Variants in RAB40B observed in about 807,000 individuals in gnomAD.
The protein encoded by RAB40B is RAB40B, member RAS oncogene family, also known as ras-related protein Rab-40B.
A neutral mutation model predicts 24.0 loss-of-function variants in RAB40B; 21 were observed. The ratio of observed to expected loss-of-function variants is 0.88; its 90% CI spans 0.62 to 1.26. The LOEUF (loss-of-function observed/expected upper bound fraction) is 1.26. RAB40B is among the 50% of genes most tolerant of loss of function. The probability of loss-of-function intolerance (pLI) is 0.00; values close to 1 mark genes in which losing one functional copy is unlikely to be tolerated. For missense variants in RAB40B, 348 were observed against 390.5 expected (o/e 0.89, Z 0.92); for synonymous variants, 167 against 169.8 (o/e 0.98, Z 0.13).
intron 1 of RAB40B, among the ~76,000 whole-genome samples, chr17:82,680,584 C>T (rs900813038): frequency 2.6e-5 from 4 of 152,104 alleles, no homozygotes; most frequent in Admixed American, 6.5e-5. Flanking sequence ...ATCTTATCAC[C>T]CATGGACAAC....
intron 1 of RAB40B, among the ~76,000 whole-genome samples, chr17:82,696,072 G>T (rs1379309469): frequency 6.6e-6 from 1 of 152,130 alleles, no homozygotes; most frequent in African/African-American, 2.4e-5. Flanking sequence ...GTTTCTCCAT[G>T]TTGATCAGGC....
At chr17:82,678,752 C>T (rs796638588) in intron 1 of RAB40B, among the ~76,000 whole-genome samples, 14 of 152,268 alleles carry the variant, frequency 9.2e-5, no homozygotes, top group African/African-American at 3.4e-4. Flanking sequence ...CAGCACAGGG[C>T]TCCTGGAAGT....
At chr17:82,659,427 G>T in intron 4 of RAB40B, 153 bp downstream of exon 4, 1 of 666,552 alleles carries the variant, frequency 1.5e-6, no homozygotes, top group Non-Finnish European at 2.6e-6. Flanking sequence ...TTGTGCCGAG[G>T]TGAGGCACCC....
intron 5 of RAB40B, 124 bp from the exon 6 acceptor site, chr17:82,658,258 C>T: frequency 1.5e-6 from 2 of 1,347,526 alleles, no homozygotes; most frequent in Non-Finnish European, 2.0e-6. Flanking sequence ...CTGGCTTGTA[C>T]ATGCAGCAAG....
chr17:82,675,935 A>G lies in RAB40B; in HGVS notation c.143-11379T>C, dbSNP rs149435743. Among the ~76,000 whole-genome samples, 1,035 of 152,160 alleles carry G rather than the reference A, an allele frequency of 6.8e-3. 13 individuals carry two copies. Among genetic ancestry groups the G allele is most frequent in the African/African-American group, 0.024 (979 of 41,506 alleles). On this transcript the variant is annotated intron_variant, in intron 1 of 5. Coordinates refer to ENST00000571995, the MANE Select transcript of RAB40B (RefSeq NM_006822.3). The surrounding 1 kb of genome is among the most constrained non-coding windows in gnomAD (Gnocchi z 4.5). ...TTCTCACCAGGGGGGAGAGGTGGCA[A>G]CAGTGACGACCTGAAGCCCCTGGTA...
chr17:82,662,630 C>T (rs2046188665), intron 2 of RAB40B: 4 of 985,306 alleles, frequency 4.1e-6, no homozygotes, highest in Non-Finnish European at 4.8e-6. Flanking sequence ...TGTGACCTTG[C>T]TCAGACGACA....
intron 1 of RAB40B, among the ~76,000 whole-genome samples, chr17:82,685,881 GC>G (rs1357179776): frequency 1.3e-5 from 2 of 150,948 alleles, no homozygotes; most frequent in Non-Finnish European, 2.9e-5. Flanking sequence ...TCAGCTCACT[GC>G]AACCTCCACC....
chr17:82,666,589 A>ACC (rs2046260784), intron 1 of RAB40B, among the ~76,000 whole-genome samples: 1 of 151,818 alleles, frequency 6.6e-6, no homozygotes. Context: ...CGCCCCCATC[A>ACC]CCCCCCAGAC....
At chr17:82,660,261 A>G (rs570444469) in intron 3 of RAB40B, among the ~76,000 whole-genome samples, 1 of 151,688 alleles carries the variant, frequency 6.6e-6, no homozygotes, top group Non-Finnish European at 1.5e-5. Flanking sequence ...ATGCATGCAC[A>G]TAAACAGGCA....
chr17:82,659,555 G>A (rs1191710526), intron 4 of RAB40B, 25 bp downstream of exon 4: 1 of 1,610,696 alleles, frequency 6.2e-7, no homozygotes, highest in South Asian at 1.1e-5. Flanking sequence ...CAGGGATCTT[G>A]GGCAGTGGCA....
At chr17:82,664,421 T>A in intron 2 of RAB40B, 75 bp downstream of exon 2, 1 of 1,464,056 alleles carries the variant, frequency 6.8e-7, no homozygotes, top group Non-Finnish European at 9.4e-7. Flanking sequence ...GGCACTGTGC[T>A]GACAGGGGGT....
At chr17:82,684,242 CAAT>C (rs901809257) in intron 1 of RAB40B, among the ~76,000 whole-genome samples, 20 of 126,534 alleles carry the variant, frequency 1.6e-4, no homozygotes, top group African/African-American at 4.5e-4. Flanking sequence ...AAAAAAATTA[CAAT>C]GAGATACCAC....
chr17:82,684,744 G>A (rs2046480007), intron 1 of RAB40B, among the ~76,000 whole-genome samples: 1 of 152,134 alleles, frequency 6.6e-6, no homozygotes, highest in African/African-American at 2.4e-5. Flanking sequence ...CCTACAAAGA[G>A]GCTGCGGAAA....
At chr17:82,658,766 T>C (rs1287782929) in intron 4 of RAB40B, 53 bp from the exon 5 acceptor site, 38 of 1,519,808 alleles carry the variant, frequency 2.5e-5, no homozygotes, top group Non-Finnish European at 3.4e-5. Context: ...GAGATTTTGT[T>C]GTCGTCGTAA....
chr17:82,658,214 C>G (rs567417969), intron 5 of RAB40B, 80 bp from the exon 6 acceptor site: 1 of 1,534,610 alleles, frequency 6.5e-7, no homozygotes, highest in East Asian at 2.3e-5. Context: ...CACACCTGTT[C>G]TCCCGCCCTC....
At chr17:82,664,189 TGGG>T (rs1441566917) in intron 2 of RAB40B, among the ~76,000 whole-genome samples, 1 of 39,004 alleles carries the variant, frequency 2.6e-5, no homozygotes, top group Non-Finnish European at 4.7e-5. Flanking sequence ...CCGACGGTGG[TGGG>T]GGAAGGGTGC....
At chr17:82,691,413 C>T (rs1052009147) in intron 1 of RAB40B, among the ~76,000 whole-genome samples, 2 of 152,124 alleles carry the variant, frequency 1.3e-5, no homozygotes, top group African/African-American at 4.8e-5. Context: ...AGGCCGGGCG[C>T]GGTGGCTCAC....
chr17:82,671,292 A>G (rs2046329253), intron 1 of RAB40B, among the ~76,000 whole-genome samples: 1 of 149,406 alleles, frequency 6.7e-6, no homozygotes, highest in Non-Finnish European at 1.5e-5. Flanking sequence ...GTACTCACTG[A>G]CACACTTCAC....
rs1162735062 is a variant in RAB40B, at chr17:82,663,843, G to A, written c.203+653C>T. Among the ~76,000 whole-genome samples the A allele has an allele frequency of 1.3e-5, 2 of 152,194 alleles. No homozygotes were observed. The highest frequency in any genetic ancestry group is 2.9e-5 in the Non-Finnish European group (2 of 68,032). The stretch of plus-strand genomic sequence containing the variant: ...GCCACAGGTTCTGATCCCAAAAGCC[G>A]ATTCCCAGCCACAGCGCTATGTCCG... On this transcript the variant is annotated intron_variant, in intron 2 of 5. Transcript: ENST00000571995. This position sits in a 1 kb window ranked among gnomAD's most constrained non-coding sequence, Gnocchi z 6.2.
Sources: gnomAD v4.1 joint callset for allele counts (sites outside exome capture counted in the v4.1 genomes callset) on GRCh38, gnomAD v4.1.1 for gene constraint, Gnocchi (gnomAD v3.1) non-coding constraint, MANE v1.5 for transcripts, NCBI Gene and HGNC (gene_info 2026-07-23, HGNC 2026-07-21) for gene names.